FYB2: variants seen among roughly 807,000 people sequenced by gnomAD.
The protein encoded by FYB2 is FYN-binding protein 2.
In FYB2, 103 loss-of-function variants were observed where a neutral mutation model predicts 94.1. That is an observed-to-expected ratio of 1.09 (90% CI 0.93 to 1.29). The LOEUF is 1.29. Ranked by LOEUF, FYB2 falls within the 50% of genes most tolerant of loss-of-function variation. The pLI is 0.00. For synonymous variants in FYB2, 293 were observed against 287.9 expected, an observed-to-expected ratio of 1.02 and a Z score of -0.18; for missense variants, 896 against 841.5, an observed-to-expected ratio of 1.06 and a Z score of -0.80.
intron 4 of FYB2, among the ~76,000 whole-genome samples, chr1:56,768,912 T>C (rs1006424327): frequency 1.3e-5 from 2 of 152,144 alleles, no homozygotes; most frequent in African/African-American, 4.8e-5. Flanking sequence ...GAATGCCCTA[T>C]AGATTTGGAG....
rs1644972311 is a variant in FYB2, at chr1:56,742,230, A to G, written c.1544-9T>C. The G allele has an allele frequency of 6.4e-7, 1 of 1,571,672 alleles. No homozygotes were observed. Among genetic ancestry groups the G allele is most frequent in the Non-Finnish European group, 8.7e-7 (1 of 1,145,174 alleles). On this transcript the variant is annotated splice_polypyrimidine_tract_variant and intron_variant, in intron 11 of 19. Coordinates refer to ENST00000343433, the MANE Select transcript of FYB2 (RefSeq NM_001004303.5). The stretch of plus-strand genomic sequence containing the variant: ...CAGTTCTCTATTTTCTTCTGAAATT[A>G]GAAGAAAACCCTACTTATATTCATT...
In FYB2 at chr1:56,792,230, G is replaced by A; in HGVS notation, c.583C>T (p.Pro195Ser). 6.2e-7 allele frequency: 1 copy of A among 1,613,672 alleles called. No homozygotes were observed. The highest frequency in any genetic ancestry group is 8.5e-7 in the Non-Finnish European group (1 of 1,179,882). The change falls in exon 2 of 20, where the codon CCT (proline) becomes TCT (serine). Residue 195 changes from proline to serine, a missense_variant. By Grantham distance (74) the Pro-to-Ser change is moderately conservative. Coordinates refer to ENST00000343433, the MANE Select transcript of FYB2 (RefSeq NM_001004303.5). Reference protein sequence around the residue: ...KLETKGAQTLPSQKHVVAPKI... With the variant: ...KLETKGAQTLSSQKHVVAPKI... The stretch of plus-strand genomic sequence containing the variant: ...GGGGCCACCACGTGCTTCTGGGAAG[G>A]AAGAGTCTGGGCTCCTTTTGTTTCC...
At chr1:56,791,139 A>G (rs1365382116) in intron 2 of FYB2, among the ~76,000 whole-genome samples, 1 of 152,182 alleles carries the variant, frequency 6.6e-6, no homozygotes, top group Non-Finnish European at 1.5e-5. Flanking sequence ...AAGGAGATTC[A>G]TCCATCCAGC....
chr1:56,786,095 C>G (rs1646127292), intron 4 of FYB2, among the ~76,000 whole-genome samples: 1 of 152,154 alleles, frequency 6.6e-6, no homozygotes, highest in Admixed American at 6.5e-5. Context: ...AGGTGCCCAC[C>G]ATCCCAGCCA....
At chr1:56,729,328 G>A (rs1226953615) in intron 15 of FYB2, among the ~76,000 whole-genome samples, 1 of 152,186 alleles carries the variant, frequency 6.6e-6, no homozygotes, top group East Asian at 1.9e-4. Flanking sequence ...TGGGAAAAGT[G>A]GGAACAGTTT....
chr1:56,726,382 C>T, intron 16 of FYB2, 115 bp downstream of exon 16: 1 of 890,460 alleles, frequency 1.1e-6, no homozygotes, highest in South Asian at 1.7e-5. Context: ...TTATTCTCAT[C>T]TTGTAGATGA....
At chr1:56,751,620 T>A (rs1332641251) in intron 8 of FYB2, among the ~76,000 whole-genome samples, 1 of 152,076 alleles carries the variant, frequency 6.6e-6, no homozygotes, top group African/African-American at 2.4e-5. Flanking sequence ...AGAACCTTGT[T>A]CCAAGGGATG....
intron 1 of FYB2, among the ~76,000 whole-genome samples, chr1:56,806,536 AACAAC>A (rs1290598605): frequency 6.6e-6 from 1 of 152,134 alleles, no homozygotes; most frequent in African/African-American, 2.4e-5. Flanking sequence ...AAACAAACTT[AACAAC>A]ACAAATTTAC....
At chr1:56,812,673 G>A (rs1277276614) in intron 1 of FYB2, among the ~76,000 whole-genome samples, 2 of 152,140 alleles carry the variant, frequency 1.3e-5, no homozygotes, top group East Asian at 3.9e-4. Context: ...AGAAGTCAGT[G>A]ATCAGGGAGG....
At chr1:56,738,481 C>G (rs1333675005) in intron 14 of FYB2, 144 bp downstream of exon 14, 1 of 810,738 alleles carries the variant, frequency 1.2e-6, no homozygotes, top group African/African-American at 1.7e-5. Context: ...AAAAATACTT[C>G]CGTGTGAAAC....
chr1:56,770,955 T>C (rs1188899673), intron 4 of FYB2, among the ~76,000 whole-genome samples: 1 of 152,152 alleles, frequency 6.6e-6, no homozygotes, highest in Non-Finnish European at 1.5e-5. Flanking sequence ...TTAGCTAGAA[T>C]CTCAGTTTGA....
chr1:56,759,870 C>G (rs954987548), intron 5 of FYB2, among the ~76,000 whole-genome samples: 1 of 152,064 alleles, frequency 6.6e-6, no homozygotes, highest in African/African-American at 2.4e-5. Flanking sequence ...ATCACAAGGT[C>G]AGGAGTTCAA....
At chr1:56,774,161 A>G (rs1338827523) in intron 4 of FYB2, among the ~76,000 whole-genome samples, 10 of 152,164 alleles carry the variant, frequency 6.6e-5, no homozygotes, top group Non-Finnish European at 1.3e-4. Flanking sequence ...ATATTAGATA[A>G]TGGTTAGAGA....
At chr1:56,771,531 A>G (rs1645754502) in intron 4 of FYB2, among the ~76,000 whole-genome samples, 1 of 152,200 alleles carries the variant, frequency 6.6e-6, no homozygotes, top group Non-Finnish European at 1.5e-5. Context: ...GAGTAAATTC[A>G]TAATCTTTTC....
intron 4 of FYB2, among the ~76,000 whole-genome samples, chr1:56,772,910 G>T (rs563808935): frequency 6.6e-6 from 1 of 152,204 alleles, no homozygotes; most frequent in East Asian, 1.9e-4. Flanking sequence ...TTTACATCTT[G>T]TAAAATTTTT....
chr1:56,801,734 C>A (rs942971045), intron 1 of FYB2, among the ~76,000 whole-genome samples: 1 of 152,168 alleles, frequency 6.6e-6, no homozygotes, highest in Non-Finnish European at 1.5e-5. Context: ...CTCTACTATC[C>A]GGTCCCATCT....
intron 13 of FYB2, among the ~76,000 whole-genome samples, chr1:56,739,958 T>C (rs1356870296): frequency 6.6e-6 from 1 of 152,090 alleles, no homozygotes; most frequent in Non-Finnish European, 1.5e-5. Flanking sequence ...TGCACCTGAA[T>C]ATCTACATCT....
chr1:56,787,280 G>A (rs971857876), intron 3 of FYB2, 72 bp from the exon 4 acceptor site: 132 of 1,556,220 alleles, frequency 8.5e-5, no homozygotes, highest in Non-Finnish European at 1.1e-4. Flanking sequence ...ATGCTTGTGT[G>A]ATGACTTGAT....
At chr1:56,814,433 G>A (rs1361499239) in intron 1 of FYB2, among the ~76,000 whole-genome samples, 1 of 152,174 alleles carries the variant, frequency 6.6e-6, no homozygotes, top group Non-Finnish European at 1.5e-5. Flanking sequence ...GGAAAGTAAT[G>A]CCAGGCTAAA....
Sources: gnomAD v4.1 joint callset for allele counts (sites outside exome capture counted in the v4.1 genomes callset) on GRCh38, gnomAD v4.1.1 for gene constraint, MANE v1.5 for transcripts, NCBI Gene and HGNC (gene_info 2026-07-23, HGNC 2026-07-21) for gene names.